The following KAZN variants were observed in gnomAD, a reference collection of about 807,000 sequenced individuals.
KAZN encodes kazrin.
A neutral mutation model predicts 87.4 loss-of-function variants in KAZN; 40 were observed. That is an observed-to-expected ratio of 0.46 (90% CI 0.36 to 0.60). The LOEUF (loss-of-function observed/expected upper bound fraction) is 0.60. Ranked by LOEUF, KAZN falls within the 20% of genes least tolerant of loss-of-function variation. The probability of loss-of-function intolerance (pLI) is 0.00; values close to 1 mark genes in which losing one functional copy is unlikely to be tolerated. For synonymous variants in KAZN, 466 were observed against 458.3 expected, an observed-to-expected ratio of 1.02 and a Z score of -0.22; for missense variants, 898 against 1,073.9, an observed-to-expected ratio of 0.84 and a Z score of 2.29.
At chr1:14,686,051 C>G (rs767591601) in intron 1 of KAZN, among the ~76,000 whole-genome samples, 6 of 152,094 alleles carry the variant, frequency 3.9e-5, no homozygotes, top group Non-Finnish European at 2.9e-5. Context: ...CCTCCATCAG[C>G]CTCAGTCTGC....
At chr1:14,606,522 T>C (rs998593636) in intron 1 of KAZN, among the ~76,000 whole-genome samples, 1 of 152,108 alleles carries the variant, frequency 6.6e-6, no homozygotes, top group Non-Finnish European at 1.5e-5. Context: ...TTCTTGGACT[T>C]CGTGTGTTTC....
intron 1 of KAZN, among the ~76,000 whole-genome samples, chr1:14,730,200 C>T (rs536592857): frequency 3.9e-5 from 6 of 152,282 alleles, no homozygotes; most frequent in African/African-American, 1.4e-4. Flanking sequence ...TCTCCCGCCT[C>T]AGCCTCCTGA....
rs1573328107 is a variant in KAZN, at chr1:15,112,320, T to C, written c.2049-107T>C. On this transcript the variant is annotated intron_variant, in intron 13 of 14. Transcript: ENST00000376030. Reference sequence around the variant, plus strand: ...CAGTCGGTCTCAGCAGCTGTGGTCATTGTCACCAATGTGTGTGTGTGTGTG... The same window carrying C: ...CAGTCGGTCTCAGCAGCTGTGGTCACTGTCACCAATGTGTGTGTGTGTGTG... 30 of 723,712 alleles carry C rather than the reference T, an allele frequency of 4.1e-5. No homozygotes were observed. The East Asian group carries it at 8.2e-4, about 20-fold the overall frequency. The allele number at this position is 723,712 out of a possible 1,614,324, so 44.8% of individuals were successfully genotyped here.
chr1:15,014,333 G>T (rs1368820520), intron 2 of KAZN, among the ~76,000 whole-genome samples: 1 of 152,116 alleles, frequency 6.6e-6, no homozygotes, highest in Non-Finnish European at 1.5e-5. Context: ...GAGCCCATAG[G>T]TTCCCACCCT....
chr1:14,692,340 T>C, intron 1 of KAZN: 1 of 416,610 alleles, frequency 2.4e-6, no homozygotes, highest in Non-Finnish European at 4.2e-6. Context: ...TCTCATTTTT[T>C]CGATCTTTTC....
At chr1:14,785,510 C>T (rs909976359) in intron 1 of KAZN, among the ~76,000 whole-genome samples, 1 of 152,126 alleles carries the variant, frequency 6.6e-6, no homozygotes, top group Non-Finnish European at 1.5e-5. Flanking sequence ...TGCTACACCT[C>T]CTCCGCGGGA....
intron 2 of KAZN, among the ~76,000 whole-genome samples, chr1:14,493,070 C>CA (rs1465473300): frequency 6.6e-6 from 1 of 152,122 alleles, no homozygotes; most frequent in Non-Finnish European, 1.5e-5. Flanking sequence ...GTTGGAATGT[C>CA]ACTTCATCCA....
intron 2 of KAZN, among the ~76,000 whole-genome samples, chr1:14,270,732 C>T (rs1651851144): frequency 6.6e-6 from 1 of 152,162 alleles, no homozygotes; most frequent in African/African-American, 2.4e-5. Context: ...TATTAACTCA[C>T]TCACTCTCTA....
intron 1 of KAZN, among the ~76,000 whole-genome samples, chr1:14,934,454 C>A (rs1302626333): frequency 6.6e-6 from 1 of 152,112 alleles, no homozygotes; most frequent in Non-Finnish European, 1.5e-5. Context: ...ATCCACCTGC[C>A]TTTGCCTCCC....
intron 1 of KAZN, among the ~76,000 whole-genome samples, chr1:14,108,907 A>G (rs567028837): frequency 6.6e-6 from 1 of 152,274 alleles, no homozygotes; most frequent in South Asian, 2.1e-4. Context: ...TAGTTCCATC[A>G]TGGCTGGGTC....
At chr1:14,940,330 A>G (rs975145771) in intron 1 of KAZN, among the ~76,000 whole-genome samples, 3 of 152,136 alleles carry the variant, frequency 2.0e-5, no homozygotes, top group African/African-American at 7.2e-5. Flanking sequence ...TTAAGCATTC[A>G]CTCACTTTTA....
chr1:14,170,133 G>T lies in KAZN; in HGVS notation c.92-10302G>T, dbSNP rs79785330. On this transcript the variant is annotated intron_variant, in intron 1 of 16. Coordinates refer to the KAZN transcript ENST00000636203. ...CACTCTGGCCCCTCCTGGCTTTGCA[G>T]TTCATCAGCTCTCAAACCCCACAGG... is the stretch of plus-strand genomic sequence containing the variant. 5.1e-3 allele frequency among the ~76,000 whole-genome samples: 773 copies of T among 152,292 alleles called. 7 individuals are homozygous for T. The highest frequency in any genetic ancestry group is 0.017 in the African/African-American group (713 of 41,556).
At chr1:14,591,810 C>T (rs936788813) in intron 2 of KAZN, among the ~76,000 whole-genome samples, 9 of 152,130 alleles carry the variant, frequency 5.9e-5, no homozygotes, top group Non-Finnish European at 1.0e-4. Context: ...TGCATGCACG[C>T]GCCCATGTGT....
chr1:15,094,244 G>A lies in KAZN; in HGVS notation c.1287G>A (p.Met429Ile). ...SLSLSEGEEQ[M>I]DRLQQVELVR... ...GCCTGTCGGAAGGCGAGGAGCAGATGGACCGGCTGCAGCAGGTGGAGCTGG... is the reference window on the plus strand; with the variant it reads ...GCCTGTCGGAAGGCGAGGAGCAGATAGACCGGCTGCAGCAGGTGGAGCTGG... The change falls in exon 9 of 15, where the codon ATG becomes ATA. Residue 429 changes from methionine (M) to isoleucine (I), a missense_variant. Met to Ile is a conservative substitution (Grantham distance 10, BLOSUM62 1). This residue lies in a region of KAZN where 521 missense variants were observed against 689.4 expected (regional missense o/e 0.76). Transcript: ENST00000376030. The surrounding 1 kb of genome is among the most constrained non-coding windows in gnomAD (Gnocchi z 4.5). The A allele has an allele frequency of 2.5e-6, 4 of 1,613,968 alleles. No homozygotes were observed. Among genetic ancestry groups the A allele is most frequent in the Non-Finnish European group, 3.4e-6 (4 of 1,179,884 alleles).
At chr1:14,395,250 G>A (rs983730793) in intron 2 of KAZN, among the ~76,000 whole-genome samples, 3 of 152,160 alleles carry the variant, frequency 2.0e-5, no homozygotes, top group Admixed American at 6.5e-5. Context: ...ATATCACCTC[G>A]AATGAAACAA....
rs914861812 is a variant in KAZN, at chr1:15,056,813, G to A, written c.916+533G>A. 3.3e-5 allele frequency among the ~76,000 whole-genome samples: 5 copies of A among 152,192 alleles called. No homozygotes were observed. Among genetic ancestry groups the A allele is most frequent in the Admixed American group, 6.5e-5 (1 of 15,280 alleles). ...TCACAGGTGTTTGCTCCAGGCACTCGGCAGGGAAGTCTGGCCTGTGGACAG... is the reference window on the plus strand; with the variant it reads ...TCACAGGTGTTTGCTCCAGGCACTCAGCAGGGAAGTCTGGCCTGTGGACAG... On this transcript the variant is annotated intron_variant, in intron 5 of 14. Transcript: ENST00000376030. The surrounding 1 kb of genome is among the most constrained non-coding windows in gnomAD (Gnocchi z 5.4).
At chr1:14,932,940 C>G (rs1660016685) in intron 1 of KAZN, among the ~76,000 whole-genome samples, 1 of 152,118 alleles carries the variant, frequency 6.6e-6, no homozygotes, top group Non-Finnish European at 1.5e-5. Context: ...CTTCATCACC[C>G]CAAACAGAAA....
chr1:14,770,257 T>C (rs1233443347), intron 1 of KAZN, among the ~76,000 whole-genome samples: 1 of 152,178 alleles, frequency 6.6e-6, no homozygotes, highest in Non-Finnish European at 1.5e-5. Context: ...CTAGCTACAG[T>C]GTGGAGAACT....
chr1:14,369,800 G>A (rs948670491), intron 2 of KAZN, among the ~76,000 whole-genome samples: 1 of 152,176 alleles, frequency 6.6e-6, no homozygotes, highest in East Asian at 1.9e-4. Context: ...CTGCTTTCAG[G>A]TATGCATTCC....
Sources: gnomAD v4.1 joint callset for allele counts (sites outside exome capture counted in the v4.1 genomes callset) on GRCh38, gnomAD v4.1.1 for gene constraint, gnomAD v4.1.1 regional missense constraint, Gnocchi (gnomAD v3.1) non-coding constraint, MANE v1.5 for transcripts, NCBI Gene and HGNC (gene_info 2026-07-23, HGNC 2026-07-21) for gene names.